BNC2: variants seen among roughly 807,000 people sequenced by gnomAD.
The protein encoded by BNC2 is zinc finger protein basonuclin-2.
In BNC2, 20 loss-of-function variants were observed where a neutral mutation model predicts 76.3. That is an observed-to-expected ratio of 0.26 (90% confidence interval 0.18 to 0.38). BNC2 has a LOEUF of 0.38. BNC2 is among the 10% of genes least tolerant of loss of function. The probability of loss-of-function intolerance (pLI) is 1.00; values close to 1 mark genes in which losing one functional copy is unlikely to be tolerated. For missense variants in BNC2, 1,382 were observed against 1,399.8 expected (o/e 0.99, Z 0.20); for synonymous variants, 582 against 514.8 (o/e 1.13, Z -1.77).
intron 4 of BNC2, among the ~76,000 whole-genome samples, chr9:16,563,402 T>G (rs1436781901): frequency 6.6e-6 from 1 of 152,010 alleles, no homozygotes; most frequent in African/African-American, 2.4e-5. Flanking sequence ...ACAGATCACT[T>G]GAGGCCAAGA....
rs189365265 is a variant in BNC2, at chr9:16,748,968, A to C, written c.4-10483T>G. 2.7e-5 allele frequency among the ~76,000 whole-genome samples: 4 copies of C among 147,368 alleles called. No individual in the cohort carries two copies. In the East Asian group the frequency reaches 7.8e-4, roughly 29 times the overall value. On this transcript the variant is annotated intron_variant, in intron 1 of 6. Transcript: ENST00000380672. ...TATATATGAAATTAACAAAATAAAA[A>C]AATTAATATATAATGATGGCCCTGA...
intron 5 of BNC2, among the ~76,000 whole-genome samples, chr9:16,522,024 G>A (rs1466166406): frequency 1.3e-5 from 2 of 152,138 alleles, no homozygotes; most frequent in Non-Finnish European, 2.9e-5. Context: ...AAAGTGACTA[G>A]TAATGCCCAG....
chr9:16,868,055 G>A (rs988204365), intron 1 of BNC2: 1 of 152,160 alleles, frequency 6.6e-6, no homozygotes, highest in South Asian at 2.1e-4. Context: ...GACTGCGGCT[G>A]CAACATGAAA....
At chr9:16,709,846 G>C (rs952694118) in intron 3 of BNC2, among the ~76,000 whole-genome samples, 4 of 152,114 alleles carry the variant, frequency 2.6e-5, no homozygotes, top group African/African-American at 9.7e-5. Context: ...AAATAGAAGA[G>C]AGTAGGTTTC....
chr9:16,635,668 A>T (rs761737320), intron 3 of BNC2, among the ~76,000 whole-genome samples: 1 of 152,234 alleles, frequency 6.6e-6, no homozygotes, highest in South Asian at 2.1e-4. Flanking sequence ...AGACAATTCT[A>T]TTATACAGAT....
intron 3 of BNC2, among the ~76,000 whole-genome samples, chr9:16,623,474 A>T (rs1350861178): frequency 1.3e-5 from 2 of 152,216 alleles, no homozygotes; most frequent in Non-Finnish European, 2.9e-5. Flanking sequence ...GAAGGAGTAG[A>T]ACAGTATTGT....
At chr9:16,736,597 T>C (rs2135103504) in intron 2 of BNC2, among the ~76,000 whole-genome samples, 1 of 151,380 alleles carries the variant, frequency 6.6e-6, no homozygotes, top group East Asian at 2.0e-4. Context: ...TACCTCAGCC[T>C]CCTCAGTAGC....
intron 6 of BNC2, among the ~76,000 whole-genome samples, chr9:16,424,605 G>A (rs1820770173): frequency 6.6e-6 from 1 of 152,106 alleles, no homozygotes; most frequent in Admixed American, 6.5e-5. Context: ...CATACCATAT[G>A]CATGCCTATT....
intron 3 of BNC2, among the ~76,000 whole-genome samples, chr9:16,708,573 GA>G (rs1249068226): frequency 6.6e-6 from 1 of 152,126 alleles, no homozygotes; most frequent in Non-Finnish European, 1.5e-5. Context: ...ACAAAAGAGA[GA>G]AGGAAGGAAA....
chr9:16,585,333 C>A (rs949500078), intron 3 of BNC2, among the ~76,000 whole-genome samples: 6 of 152,058 alleles, frequency 3.9e-5, no homozygotes, highest in Non-Finnish European at 2.9e-5. Flanking sequence ...TTCGGGAATT[C>A]AACTTTTTAG....
chr9:16,487,173 G>C (rs1822182218), intron 5 of BNC2, among the ~76,000 whole-genome samples: 1 of 152,184 alleles, frequency 6.6e-6, no homozygotes, highest in Admixed American at 6.5e-5. Flanking sequence ...TTTACTTGAA[G>C]AACAACTAGA....
chr9:16,472,151 G>T (rs1821838991), intron 5 of BNC2, among the ~76,000 whole-genome samples: 1 of 152,152 alleles, frequency 6.6e-6, no homozygotes, highest in African/African-American at 2.4e-5. Context: ...GATCTGTAAG[G>T]ATATATTCCA....
At chr9:16,847,640 A>C (rs1819021283) in intron 1 of BNC2, among the ~76,000 whole-genome samples, 3 of 152,210 alleles carry the variant, frequency 2.0e-5, no homozygotes, top group Non-Finnish European at 4.4e-5. Context: ...AGCTTGTCCG[A>C]GATATATCAA....
At chr9:16,723,289 A>C (rs1004363063) in intron 3 of BNC2, among the ~76,000 whole-genome samples, 2 of 152,132 alleles carry the variant, frequency 1.3e-5, no homozygotes, top group Non-Finnish European at 1.5e-5. Flanking sequence ...ACCATTAACT[A>C]TCAGCTGCTT....
chr9:16,426,885 A>C (rs1820812706), intron 6 of BNC2, among the ~76,000 whole-genome samples: 1 of 152,214 alleles, frequency 6.6e-6, no homozygotes, highest in Non-Finnish European at 1.5e-5. Flanking sequence ...ATACAGATAC[A>C]TGTTGAGACT....
intron 1 of BNC2, among the ~76,000 whole-genome samples, chr9:16,779,054 T>A: frequency 6.7e-6 from 1 of 148,922 alleles, no homozygotes; most frequent in Admixed American, 6.8e-5. Flanking sequence ...CAAGGATGGT[T>A]GATTGCTTGC....
intron 3 of BNC2, chr9:16,727,207 G>A (rs993975795): frequency 6.5e-6 from 1 of 152,906 alleles, no homozygotes; most frequent in Non-Finnish European, 1.5e-5. Flanking sequence ...AAGGAGGAGC[G>A]GAGCGGAGGA....
intron 5 of BNC2, among the ~76,000 whole-genome samples, chr9:16,510,195 C>G (rs1822720719): frequency 6.6e-6 from 1 of 152,218 alleles, no homozygotes; most frequent in South Asian, 2.1e-4. Flanking sequence ...TCAGTGCCCA[C>G]TGTTCTTTTT....
At chr9:16,855,363 A>C (rs892259768) in intron 1 of BNC2, among the ~76,000 whole-genome samples, 5 of 152,168 alleles carry the variant, frequency 3.3e-5, no homozygotes, top group African/African-American at 4.8e-5. Context: ...CATCTGTAAT[A>C]CCTATGGCAC....
Sources: allele counts gnomAD v4.1 joint callset (sites outside exome capture counted in the v4.1 genomes callset), GRCh38; gene constraint gnomAD v4.1.1; transcripts MANE v1.5; gene names NCBI Gene and HGNC (gene_info 2026-07-23, HGNC 2026-07-21).